The following C4orf17 variants were observed in gnomAD, a reference collection of about 807,000 sequenced individuals.
The protein encoded by C4orf17 is chromosome 4 open reading frame 17.
In C4orf17, 25 loss-of-function variants were observed where a neutral mutation model predicts 32.0. The ratio of observed to expected loss-of-function variants is 0.78; its 90% CI spans 0.57 to 1.09. C4orf17 has a LOEUF of 1.09. Among genes scored for constraint, C4orf17 ranks in the 50% least tolerant of loss-of-function variants. C4orf17 has a pLI of 0.00. For missense variants in C4orf17, 420 were observed against 420.0 expected (o/e 1.00, Z 0.00); for synonymous variants, 149 against 145.8 (o/e 1.02, Z -0.16).
intron 7 of C4orf17, 59 bp downstream of exon 7, chr4:99,539,429 T>A: frequency 7.5e-7 from 1 of 1,334,372 alleles, no homozygotes; most frequent in Non-Finnish European, 1.1e-6. Context: ...GACTTTGAAT[T>A]CTCTTGTTAT....
At chr4:99,513,528 T>C (rs1723129734) in intron 2 of C4orf17, among the ~76,000 whole-genome samples, 1 of 152,164 alleles carries the variant, frequency 6.6e-6, no homozygotes, top group African/African-American at 2.4e-5. Flanking sequence ...CCAATTGATA[T>C]AAAAATATTT....
At chr4:99,523,357 A>G (rs148688107) in intron 3 of C4orf17, among the ~76,000 whole-genome samples, 10 of 152,350 alleles carry the variant, frequency 6.6e-5, no homozygotes, top group African/African-American at 1.9e-4. Context: ...CTATTACTAA[A>G]ACTATCAGGA....
chr4:99,517,735 C>T (rs1723211391), intron 2 of C4orf17, among the ~76,000 whole-genome samples: 2 of 152,142 alleles, frequency 1.3e-5, no homozygotes, highest in Non-Finnish European at 2.9e-5. Flanking sequence ...TACTGGGATG[C>T]TAGGCAAACA....
intron 2 of C4orf17, among the ~76,000 whole-genome samples, chr4:99,518,566 G>C (rs1301961904): frequency 7.8e-6 from 1 of 128,416 alleles, no homozygotes; most frequent in African/African-American, 3.2e-5. Context: ...GAGAGAGAGA[G>C]AGAGAGAGAG....
rs150783420 is a variant in C4orf17 at position 99,536,529 on chromosome 4, G to T, written c.547-1140G>T. 6.0e-3 allele frequency among the ~76,000 whole-genome samples: 915 copies of T among 152,282 alleles called. 7 individuals are homozygous for T. Among genetic ancestry groups the T allele is most frequent in the African/African-American group, 0.02 (814 of 41,552 alleles). ...TCTGGCACAGCAGCTGTGCTGTGTT[G>T]TGGCGGACTCCTCCTTGTCCAGATG... On this transcript the variant is annotated intron_variant, in intron 5 of 8. Coordinates refer to ENST00000326581, the MANE Select transcript of C4orf17 (RefSeq NM_032149.3).
intron 2 of C4orf17, among the ~76,000 whole-genome samples, chr4:99,517,417 G>A (rs1723206505): frequency 1.3e-5 from 2 of 152,068 alleles, no homozygotes; most frequent in Admixed American, 1.3e-4. Flanking sequence ...AAAATAATCT[G>A]GGTACTGTTG....
At chr4:99,533,814 C>A (rs1421256516) in intron 5 of C4orf17, among the ~76,000 whole-genome samples, 1 of 151,972 alleles carries the variant, frequency 6.6e-6, no homozygotes, top group Admixed American at 6.6e-5. Context: ...CTTGCGGGAA[C>A]ATACCAGGAC....
At chr4:99,528,177 T>C (rs1723421577) in intron 4 of C4orf17, among the ~76,000 whole-genome samples, 1 of 151,228 alleles carries the variant, frequency 6.6e-6, no homozygotes, top group African/African-American at 2.4e-5. Context: ...ACATATTAGT[T>C]GTGTTAACTT....
chr4:99,525,999 T>C (rs774433948), intron 4 of C4orf17, among the ~76,000 whole-genome samples: 3 of 152,220 alleles, frequency 2.0e-5, no homozygotes, highest in Non-Finnish European at 4.4e-5. Flanking sequence ...ATCTCTGTAT[T>C]GTGCTTTATT....
intron 2 of C4orf17, among the ~76,000 whole-genome samples, chr4:99,518,518 AATATATATAT>A (rs1323508832): frequency 5.9e-5 from 1 of 16,826 alleles, no homozygotes; most frequent in African/African-American, 4.2e-4. Flanking sequence ...AAAAAAAAAA[AATATATATAT>A]ATATATATAT....
At chr4:99,514,967 C>T (rs558917995) in intron 2 of C4orf17, among the ~76,000 whole-genome samples, 2 of 152,206 alleles carry the variant, frequency 1.3e-5, no homozygotes, top group South Asian at 2.1e-4. Context: ...TTGGATGGAG[C>T]TGGAGGCCAT....
intron 5 of C4orf17, among the ~76,000 whole-genome samples, chr4:99,532,743 TTTAATGTCAAACTACAAAA>T (rs1415191014): frequency 6.6e-6 from 1 of 152,184 alleles, no homozygotes; most frequent in Admixed American, 6.5e-5. Flanking sequence ...TCTGTAAATA[TTTAATGTCAAACTACAAAA>T]TACTAGAGTG....
Position 99,542,151 on chromosome 4 carries a change from A to T in C4orf17, c.*42A>T. ...GAATTCTTTCATGAATATGAGCTTCACATTTACATCATCAAATTATTTTTC... is the reference window on the plus strand; with the variant it reads ...GAATTCTTTCATGAATATGAGCTTCTCATTTACATCATCAAATTATTTTTC... On this transcript the variant is annotated 3_prime_UTR_variant, in exon 9 of 9. Coordinates refer to ENST00000326581, the MANE Select transcript of C4orf17 (RefSeq NM_032149.3). The T allele has an allele frequency of 6.6e-7, 1 of 1,505,824 alleles. No individual in the cohort carries two copies. The allele number at this position is 1,505,824 out of a possible 1,614,324, so 93.3% of individuals were successfully genotyped here. A position where few individuals can be genotyped will look rare whatever the true frequency, so the allele number is the denominator to read the frequency against.
rs140242992 is a variant in C4orf17 at position 99,513,929 on chromosome 4, A to T, written c.127+721A>T. Among the ~76,000 whole-genome samples the T allele has an allele frequency of 2.7e-3, 413 of 152,278 alleles. 2 individuals are homozygous for T. The highest frequency in any genetic ancestry group is 8.9e-3 in the African/African-American group (368 of 41,572). ...GGTACATTTCTCAAGGTTATGAAAT[A>T]TATGGAAAACAAGCAGAATTGTTTG... On this transcript the variant is annotated intron_variant, in intron 2 of 8. Coordinates refer to ENST00000326581, the MANE Select transcript of C4orf17 (RefSeq NM_032149.3).
chr4:99,536,693 G>A (rs1723568166), intron 5 of C4orf17, among the ~76,000 whole-genome samples: 1 of 152,176 alleles, frequency 6.6e-6, no homozygotes, highest in Non-Finnish European at 1.5e-5. Context: ...ATTATGTAGA[G>A]GAGCAGGGCA....
intron 2 of C4orf17, among the ~76,000 whole-genome samples, chr4:99,522,062 T>A (rs1037139233): frequency 3.9e-5 from 6 of 152,312 alleles, no homozygotes; most frequent in Admixed American, 3.9e-4. Flanking sequence ...AACCACTGTA[T>A]CTCTTCTAGA....
At chr4:99,540,564 T>C (rs912163832) in intron 8 of C4orf17, 109 bp downstream of exon 8, 1 of 690,810 alleles carries the variant, frequency 1.4e-6, no homozygotes, top group South Asian at 1.9e-5. Flanking sequence ...AACAGAAAAA[T>C]ACAATAGTAA....
intron 5 of C4orf17, among the ~76,000 whole-genome samples, chr4:99,532,069 G>A (rs1280697806): frequency 1.3e-5 from 2 of 152,104 alleles, no homozygotes; most frequent in African/African-American, 4.8e-5. Flanking sequence ...ACACCAAAAT[G>A]TCTGCCAAAC....
Position 99,524,599 on chromosome 4 carries a change from A to G in C4orf17, c.402+14A>G, listed in dbSNP as rs759620281. 2 of 1,493,710 alleles carry G rather than the reference A, an allele frequency of 1.3e-6. No homozygotes were observed. Among genetic ancestry groups the G allele is most frequent in the Non-Finnish European group, 9.2e-7 (1 of 1,083,356 alleles). 92.5% of individuals were successfully genotyped at this position (1,493,710 alleles called of 1,614,324 possible). A position where few individuals can be genotyped will look rare whatever the true frequency, so the allele number is the denominator to read the frequency against. ...GTAATTAAAAAGGTAAGGAACAGCT[A>G]TTTACTGCTATCTATTTAGTTTGAC... On this transcript the variant is annotated intron_variant, in intron 4 of 8. Coordinates refer to ENST00000326581, the MANE Select transcript of C4orf17 (RefSeq NM_032149.3).
Sources: allele counts gnomAD v4.1 joint callset (sites outside exome capture counted in the v4.1 genomes callset), GRCh38; gene constraint gnomAD v4.1.1; transcripts MANE v1.5; gene names NCBI Gene and HGNC (gene_info 2026-07-23, HGNC 2026-07-21).